SLC35F4: variants seen among roughly 807,000 people sequenced by gnomAD.
The protein encoded by SLC35F4 is solute carrier family 35 member F4.
Under a neutral mutation model 44.2 loss-of-function variants are expected in SLC35F4, and 24 were observed. The ratio of observed to expected loss-of-function variants is 0.54; its 90% CI spans 0.39 to 0.76. The LOEUF (loss-of-function observed/expected upper bound fraction) is 0.76, where lower values mean the gene tolerates loss of function less well. SLC35F4 is among the 30% of genes least tolerant of loss of function. The pLI is 0.00. For synonymous variants in SLC35F4, 238 were observed against 223.6 expected (o/e 1.06, Z -0.57); for missense variants, 562 against 586.1 (o/e 0.96, Z 0.42).
chr14:57,678,175 T>C (rs1343826008), intron 1 of SLC35F4, among the ~76,000 whole-genome samples: 3 of 152,134 alleles, frequency 2.0e-5, no homozygotes, highest in Non-Finnish European at 2.9e-5. Flanking sequence ...AGCAGATTTA[T>C]CTGCAGAAAC....
chr14:57,895,414 G>C (rs1186270081), intron 1 of SLC35F4, among the ~76,000 whole-genome samples: 2 of 152,066 alleles, frequency 1.3e-5, no homozygotes, highest in African/African-American at 4.8e-5. Context: ...GTTTGGATTT[G>C]TGTCCCTGCC....
intron 1 of SLC35F4, among the ~76,000 whole-genome samples, chr14:57,639,288 T>C (rs922635612): frequency 6.6e-6 from 1 of 152,120 alleles, no homozygotes; most frequent in South Asian, 2.1e-4. Flanking sequence ...GCCTCATTAA[T>C]GACACAAGAT....
Position 57,636,197 on chromosome 14 carries a change from T to G in SLC35F4, c.104-42073A>C, listed in dbSNP as rs143993113. Among the ~76,000 whole-genome samples the G allele has an allele frequency of 7.9e-5, 12 of 152,202 alleles. No homozygotes were observed. The East Asian group carries it at 2.3e-3, about 30-fold the overall frequency. ...TTCTCTGCAGAAACCCAACCAAGCT[T>G]AAACACTGGGCGCTGACTCCTCCAG... On this transcript the variant is annotated intron_variant, in intron 1 of 7. Transcript: ENST00000556826.
chr14:57,976,174 C>T (rs1048734560), downstream of SLC35F4, among the ~76,000 whole-genome samples: 15 of 152,170 alleles, frequency 9.9e-5, no homozygotes, highest in African/African-American at 3.6e-4. Flanking sequence ...ACAGCAACAA[C>T]ACCATAAATA....
rs999092655 is a variant in SLC35F4 at position 57,788,745 on chromosome 14, A to C, written c.103+76978T>G. ...GAGCACCACATAGCATTTATTCTAA[A>C]ATTGACCACATAATTGGAAGTCAAA... On this transcript the variant is annotated intron_variant, in intron 1 of 7. Coordinates refer to ENST00000556826, the MANE Select transcript of SLC35F4 (RefSeq NM_001306087.2). 5.3e-5 allele frequency among the ~76,000 whole-genome samples: 8 copies of C among 152,190 alleles called. 1 individual carries two copies. In the South Asian group the frequency reaches 1.7e-3, roughly 31 times the overall value.
intron 1 of SLC35F4, among the ~76,000 whole-genome samples, chr14:57,740,143 T>C (rs950930866): frequency 2.6e-5 from 4 of 152,154 alleles, no homozygotes; most frequent in African/African-American, 9.7e-5. Flanking sequence ...TACAGGCATA[T>C]TGTCATTTTA....
At chr14:57,616,765 G>T (rs1253106660) in intron 1 of SLC35F4, among the ~76,000 whole-genome samples, 1 of 151,914 alleles carries the variant, frequency 6.6e-6, no homozygotes, top group Non-Finnish European at 1.5e-5. Context: ...TAGTTTGAGG[G>T]GTCCCTTACC....
chr14:57,755,053 A>T (rs1338836726), intron 1 of SLC35F4, among the ~76,000 whole-genome samples: 1 of 152,178 alleles, frequency 6.6e-6, no homozygotes, highest in Non-Finnish European at 1.5e-5. Context: ...AGCACAGGGG[A>T]GACGTGAAAG....
intron 1 of SLC35F4, among the ~76,000 whole-genome samples, chr14:57,760,008 T>G (rs2077087665): frequency 6.6e-6 from 1 of 152,094 alleles, no homozygotes; most frequent in Non-Finnish European, 1.5e-5. Context: ...TCATTGTTTC[T>G]TTTTCTGTGT....
chr14:57,885,422 G>C (rs1403580282), intron 1 of SLC35F4, among the ~76,000 whole-genome samples: 4 of 152,162 alleles, frequency 2.6e-5, no homozygotes, highest in Admixed American at 6.6e-5. Flanking sequence ...GTTGATGTTT[G>C]ACTGAATAAC....
At chr14:57,678,715 G>T (rs989950529) in intron 1 of SLC35F4, among the ~76,000 whole-genome samples, 1 of 151,692 alleles carries the variant, frequency 6.6e-6, no homozygotes, top group African/African-American at 2.4e-5. Context: ...AAGAAAGCAG[G>T]GTTTGCAATC....
chr14:57,696,210 A>C (rs1464370180), intron 1 of SLC35F4, among the ~76,000 whole-genome samples: 1 of 152,236 alleles, frequency 6.6e-6, no homozygotes, highest in African/African-American at 2.4e-5. Flanking sequence ...TCCAGAATTT[A>C]CAAGGAACTT....
intron 1 of SLC35F4, among the ~76,000 whole-genome samples, chr14:57,672,591 C>A (rs2074555185): frequency 6.6e-6 from 1 of 152,062 alleles, no homozygotes; most frequent in African/African-American, 2.4e-5. Flanking sequence ...TATAAAATAA[C>A]TGTCCTAAAA....
At chr14:57,637,220 C>A (rs1410975327) in intron 1 of SLC35F4, among the ~76,000 whole-genome samples, 1 of 152,078 alleles carries the variant, frequency 6.6e-6, no homozygotes. Flanking sequence ...GTCACCAAAC[C>A]CATCAACCTG....
intron 1 of SLC35F4, among the ~76,000 whole-genome samples, chr14:57,873,073 TC>T (rs1409190130): frequency 2.0e-5 from 3 of 152,192 alleles, no homozygotes; most frequent in African/African-American, 7.2e-5. Context: ...TTTTCCATTG[TC>T]CGTTTCAGTG....
intron 1 of SLC35F4, among the ~76,000 whole-genome samples, chr14:57,966,437 C>T (rs1594659339): frequency 6.6e-6 from 1 of 151,840 alleles, no homozygotes; most frequent in South Asian, 2.1e-4. Context: ...AAGTACCTTT[C>T]AGAATTTAAC....
At chr14:57,927,677 G>A (rs553687406) in intron 1 of SLC35F4, among the ~76,000 whole-genome samples, 45 of 151,972 alleles carry the variant, frequency 3.0e-4, no homozygotes, top group African/African-American at 9.9e-4. Flanking sequence ...TTTTAGTAGA[G>A]ACAGGGTTTC....
chr14:57,885,393 G>A (rs892939518), intron 1 of SLC35F4, among the ~76,000 whole-genome samples: 18 of 152,164 alleles, frequency 1.2e-4, no homozygotes, highest in Admixed American at 2.0e-4. Flanking sequence ...TAAGTGCAGC[G>A]CAAGTGTTCA....
At chr14:57,849,634 G>A (rs1399944414) in intron 1 of SLC35F4, among the ~76,000 whole-genome samples, 2 of 152,080 alleles carry the variant, frequency 1.3e-5, no homozygotes, top group Non-Finnish European at 2.9e-5. Context: ...GAAAACAAAA[G>A]AGCTACTAAA....
Sources: allele counts gnomAD v4.1 joint callset (sites outside exome capture counted in the v4.1 genomes callset), GRCh38; gene constraint gnomAD v4.1.1; transcripts MANE v1.5; gene names NCBI Gene and HGNC (gene_info 2026-07-23, HGNC 2026-07-21).